The following DSG2 variants were observed in gnomAD, a reference collection of about 807,000 sequenced individuals.
DSG2 encodes desmoglein-2.
In DSG2, 45 loss-of-function variants were observed where a neutral mutation model predicts 75.6. The observed-to-expected ratio is 0.60, with a 90% CI of 0.47 to 0.76. The LOEUF (loss-of-function observed/expected upper bound fraction) is 0.76, where lower values mean the gene tolerates loss of function less well. DSG2 is among the 30% of genes least tolerant of loss of function. DSG2 has a pLI of 0.00. For missense variants in DSG2, 1,267 were observed against 1,357.4 expected (o/e 0.93, Z 1.05); for synonymous variants, 429 against 483.9 (o/e 0.89, Z 1.49).
rs570619270 is a variant in DSG2 at position 31,514,550 on chromosome 18, CTGT to C, written c.46-3684_46-3682del. Among the ~76,000 whole-genome samples the C allele has an allele frequency of 7.9e-5, 12 of 152,310 alleles. No homozygotes were observed. In the South Asian group the frequency reaches 2.1e-3, roughly 26 times the overall value. ...CAATGGATAAGGCAGACTTCATTGA[CTGT>C]TGTTTGTACCTAAACAAACAAATGA... On this transcript the variant is annotated intron_variant, in intron 1 of 14. Transcript: ENST00000261590.
In DSG2 at chr18:31,542,733, A is replaced by T. The variant is rs772240008; in HGVS notation, c.2215A>T (p.Ile739Phe). ...CCAGTTTACAGGGGCCACAGGCGCTATCATGACCACTGAAACCACGAAGAC... is the reference window on the plus strand; with the variant it reads ...CCAGTTTACAGGGGCCACAGGCGCTTTCATGACCACTGAAACCACGAAGAC... ...ATQFTGATGA[I>F]MTTETTKTAR... Residue 739 changes from isoleucine to phenylalanine, a missense_variant, in exon 14 of 15, where the codon ATC (isoleucine) becomes TTC (phenylalanine). Transcript: ENST00000261590. 6.2e-6 allele frequency: 10 copies of T among 1,614,186 alleles called. No homozygotes were observed. The highest frequency in any genetic ancestry group is 7.6e-6 in the Non-Finnish European group (9 of 1,180,014).
intron 3 of DSG2, 125 bp from the exon 4 acceptor site, chr18:31,520,678 G>A: frequency 9.6e-7 from 1 of 1,041,714 alleles, no homozygotes; most frequent in Non-Finnish European, 1.4e-6. Flanking sequence ...ACTTCAGAAG[G>A]AAATTGTCCA....
Position 31,541,299 on chromosome 18 carries a change from A to C in DSG2, c.1986A>C (p.Ala662=). The C allele has an allele frequency of 2.5e-6, 4 of 1,614,070 alleles. No homozygotes were observed. Among genetic ancestry groups the C allele is most frequent in the Non-Finnish European group, 3.4e-6 (4 of 1,179,968 alleles). Residue 662 remains alanine (A), a synonymous_variant, in exon 13 of 15, where the codon GCA becomes GCC. Transcript: ENST00000261590. ...EMLHPWNNEG[A]PPEDKVVPSF... ...TGCATCCTTGGAATAATGAAGGAGC[A>C]CCACCTGAAGACAAGGTCAGTGGAT...
Position 31,536,373 on chromosome 18 carries a change from C to G in DSG2, c.1595C>G (p.Ser532Cys). ...CCAAACAGTGGCCCTTTCAGTTTCT[C>G]CGTCATTGACAAACCACCTGGCATG... is the stretch of plus-strand genomic sequence containing the variant. ...GHPNSGPFSF[S>C]VIDKPPGMAE... Residue 532 changes from serine (S) to cysteine (C), a missense_variant, in exon 11 of 15, where the codon TCC (serine) becomes TGC (cysteine). Coordinates refer to ENST00000261590, the MANE Select transcript of DSG2 (RefSeq NM_001943.5). 1 of 1,614,140 alleles carries G rather than the reference C, an allele frequency of 6.2e-7. No individual in the cohort carries two copies. The highest frequency in any genetic ancestry group is 8.5e-7 in the Non-Finnish European group (1 of 1,180,026).
intron 11 of DSG2, among the ~76,000 whole-genome samples, chr18:31,538,411 G>T (rs1479952382): frequency 6.6e-6 from 1 of 151,974 alleles, no homozygotes; most frequent in African/African-American, 2.4e-5. Context: ...TTAAAGAAAT[G>T]GTAAAATAAA....
chr18:31,546,523 T>C lies in DSG2; in HGVS notation c.3137T>C (p.Val1046Ala), dbSNP rs2073312094. The C allele has an allele frequency of 1.2e-6, 2 of 1,614,050 alleles. No homozygotes were observed. Among genetic ancestry groups the C allele is most frequent in the East Asian group, 2.2e-5 (1 of 44,896 alleles). ...PNIAVGQNVT[V>A]TERVLAPAST... ...ATAGCAGTAGGACAGAATGTGACAG[T>C]GACAGAAAGAGTTCTAGCACCTGCT... The change falls in exon 15 of 15, where the codon GTG becomes GCG. Residue 1046 changes from valine (V) to alanine (A), a missense_variant. By Grantham distance (64) the Val-to-Ala change is moderately conservative (BLOSUM62 0). Coordinates refer to ENST00000261590, the MANE Select transcript of DSG2 (RefSeq NM_001943.5).
intron 2 of DSG2, 43 bp downstream of exon 2, chr18:31,518,317 G>A: frequency 4.5e-6 from 7 of 1,558,472 alleles, no homozygotes; most frequent in Non-Finnish European, 6.2e-6. Flanking sequence ...GACTCAGGAG[G>A]GTTAATTCCA....
intron 8 of DSG2, 143 bp downstream of exon 8, chr18:31,525,031 A>G (rs963836196): frequency 3.6e-6 from 3 of 828,436 alleles, no homozygotes; most frequent in Admixed American, 4.4e-5. Context: ...AGCCATCCCT[A>G]TTTGCCCAAG....
intron 12 of DSG2, among the ~76,000 whole-genome samples, chr18:31,539,664 G>A (rs548777758): frequency 6.6e-6 from 1 of 152,322 alleles, no homozygotes; most frequent in African/African-American, 2.4e-5. Context: ...TATGGACAGA[G>A]GGCCGCCTCC....
chr18:31,541,803 C>T (rs1383645220), intron 13 of DSG2, among the ~76,000 whole-genome samples: 1 of 152,182 alleles, frequency 6.6e-6, no homozygotes, highest in Non-Finnish European at 1.5e-5. Flanking sequence ...TTATGAGCAC[C>T]ATTTCTAATA....
intron 8 of DSG2, among the ~76,000 whole-genome samples, chr18:31,530,562 C>T (rs2073189493): frequency 6.6e-6 from 1 of 152,058 alleles, no homozygotes; most frequent in African/African-American, 2.4e-5. Flanking sequence ...GGACCACAGG[C>T]ACGAGCTATC....
intron 14 of DSG2, 136 bp downstream of exon 14, chr18:31,542,988 T>G: frequency 1.3e-6 from 1 of 745,394 alleles, no homozygotes; most frequent in Non-Finnish European, 2.1e-6. Context: ...TTTCAGGGAA[T>G]ACTTATAGGC....
At chr18:31,535,967 A>C (rs1469738796) in intron 10 of DSG2, among the ~76,000 whole-genome samples, 1 of 152,134 alleles carries the variant, frequency 6.6e-6, no homozygotes, top group Non-Finnish European at 1.5e-5. Flanking sequence ...TGTCTAAAAA[A>C]ATTTTTTAGT....
At chr18:31,535,244 T>A in intron 9 of DSG2, 26 bp from the exon 10 acceptor site, 1 of 1,501,018 alleles carries the variant, frequency 6.7e-7, no homozygotes, top group Non-Finnish European at 9.2e-7. Flanking sequence ...GAATTCAAAA[T>A]TAATTTTATG....
At chr18:31,541,905 C>T (rs188851574) in intron 13 of DSG2, among the ~76,000 whole-genome samples, 52 of 152,260 alleles carry the variant, frequency 3.4e-4, no homozygotes, top group African/African-American at 1.1e-3. Context: ...ATGATTCATC[C>T]GCAGCATGGT....
chr18:31,542,980 T>G (rs1567933333), intron 14 of DSG2, 128 bp downstream of exon 14: 1 of 824,818 alleles, frequency 1.2e-6, no homozygotes, highest in African/African-American at 1.7e-5. Flanking sequence ...TTTTCTTTTT[T>G]CAGGGAATAC....
chr18:31,518,936 G>C (rs1051392062), intron 2 of DSG2, among the ~76,000 whole-genome samples: 1 of 152,090 alleles, frequency 6.6e-6, no homozygotes, highest in African/African-American at 2.4e-5. Context: ...TTATAGAATG[G>C]TTTTCTGCCT....
At chr18:31,542,433 T>TG in intron 13 of DSG2, 87 bp from the exon 14 acceptor site, 1 of 1,433,180 alleles carries the variant, frequency 7.0e-7, no homozygotes. Flanking sequence ...TACCTTCCTA[T>TG]GCCCACTTGA....
intron 13 of DSG2, chr18:31,542,094 T>C (rs1482556029): frequency 3.9e-5 from 10 of 259,142 alleles, no homozygotes; most frequent in Non-Finnish European, 5.2e-5. Context: ...TTCTGCTTCA[T>C]TCACATTGAC....
Sources: gnomAD v4.1 joint callset for allele counts (sites outside exome capture counted in the v4.1 genomes callset) on GRCh38, gnomAD v4.1.1 for gene constraint, MANE v1.5 for transcripts, NCBI Gene and HGNC (gene_info 2026-07-23, HGNC 2026-07-21) for gene names.